Variants in BMPER observed in about 807,000 individuals in gnomAD.
BMPER encodes the protein BMP-binding endothelial regulator protein.
Under a neutral mutation model 87.3 loss-of-function variants are expected in BMPER, and 45 were observed. The ratio of observed to expected loss-of-function variants is 0.52; its 90% CI spans 0.41 to 0.66. The LOEUF is 0.66. BMPER is among the 30% of genes least tolerant of loss of function. BMPER has a pLI of 0.00. For synonymous variants in BMPER, 326 were observed against 316.2 expected (o/e 1.03, Z -0.33); for missense variants, 784 against 867.5 (o/e 0.90, Z 1.21).
intron 13 of BMPER, among the ~76,000 whole-genome samples, chr7:34,110,851 C>A (rs1198811588): frequency 6.6e-6 from 1 of 152,082 alleles, no homozygotes; most frequent in Non-Finnish European, 1.5e-5. Context: ...ACAATTGATA[C>A]TAATTTTAGG....
rs1785647061 is a variant in BMPER at position 33,974,907 on chromosome 7, T to G, written c.576+123T>G. ...TCCTCTCTGGGTAAAAGTCCGTCCC[T>G]CCTGATGTGGAGCCGAGGGAAAAGC... On this transcript the variant is annotated intron_variant, in intron 6 of 14. Coordinates refer to ENST00000649409, the MANE Select transcript of BMPER (RefSeq NM_001365308.1). The G allele has an allele frequency of 1.3e-5, 13 of 974,762 alleles. 1 individual carries two copies. Among genetic ancestry groups the G allele is most frequent in the South Asian group, 9.3e-5 (7 of 75,202 alleles). 60.4% of individuals were successfully genotyped at this position (974,762 alleles called of 1,614,324 possible). A position where few individuals can be genotyped will look rare whatever the true frequency, so the allele number is the denominator to read the frequency against.
At chr7:34,146,807 A>T (rs1241710003) in intron 14 of BMPER, among the ~76,000 whole-genome samples, 1 of 152,184 alleles carries the variant, frequency 6.6e-6, no homozygotes, top group Non-Finnish European at 1.5e-5. Context: ...GAAAAAAAAG[A>T]ATGCATATTT....
intron 6 of BMPER, among the ~76,000 whole-genome samples, chr7:34,014,632 T>C (rs1786972744): frequency 6.6e-6 from 1 of 151,874 alleles, no homozygotes; most frequent in African/African-American, 2.4e-5. Context: ...TCTGGGGAGA[T>C]TCAGGCCCTG....
At chr7:34,143,015 G>A (rs1403781330) in intron 13 of BMPER, among the ~76,000 whole-genome samples, 2 of 152,258 alleles carry the variant, frequency 1.3e-5, no homozygotes, top group African/African-American at 4.8e-5. Context: ...GGATAATCTT[G>A]CTCTAGAGGA....
Position 34,025,611 on chromosome 7 carries a change from G to A in BMPER, c.577-20695G>A, listed in dbSNP as rs564866523. Reference sequence around the variant, plus strand: ...CAGTGGTTGTAGGTCTCGGATGCTAGGCAATTAAGTATTCAATGACTAAAG... The same window carrying A: ...CAGTGGTTGTAGGTCTCGGATGCTAAGCAATTAAGTATTCAATGACTAAAG... On this transcript the variant is annotated intron_variant, in intron 6 of 14. Coordinates refer to ENST00000649409, the MANE Select transcript of BMPER (RefSeq NM_001365308.1). Among the ~76,000 whole-genome samples, 128 of 151,888 alleles carry A rather than the reference G, an allele frequency of 8.4e-4. 1 individual carries two copies. Among genetic ancestry groups the A allele is most frequent in the Admixed American group, 1.2e-3 (18 of 15,246 alleles).
rs779422074 is a variant in BMPER, at chr7:33,974,724, G to A, written c.516G>A (p.Gln172=). The A allele has an allele frequency of 1.9e-6, 3 of 1,613,904 alleles. No individual in the cohort carries two copies. Among genetic ancestry groups the A allele is most frequent in the Non-Finnish European group, 8.5e-7 (1 of 1,179,988 alleles). Residue 172 remains glutamine (Q), a synonymous_variant, in exon 6 of 15, where the codon CAG becomes CAA. Coordinates refer to ENST00000649409, the MANE Select transcript of BMPER (RefSeq NM_001365308.1). ...CAGGCTGTGTGTTTGAGGGTGTGCA[G>A]TATCAAGAAGGGGAGGAATTTCAGC... The part of the protein sequence containing the change: ...TCPGCVFEGV[Q]YQEGEEFQPE...
chr7:33,956,057 A>G (rs905939048), intron 3 of BMPER, among the ~76,000 whole-genome samples: 3 of 152,090 alleles, frequency 2.0e-5, no homozygotes. Context: ...AAAACACCTC[A>G]CCTAAACTAT....
chr7:34,035,532 A>T (rs1787640139), intron 6 of BMPER, among the ~76,000 whole-genome samples: 1 of 152,228 alleles, frequency 6.6e-6, no homozygotes, highest in African/African-American at 2.4e-5. Context: ...TTTTGTCAAT[A>T]CAGTGAGAGA....
intron 13 of BMPER, among the ~76,000 whole-genome samples, chr7:34,121,014 AATTATTTAATAT>A (rs1338090410): frequency 6.6e-6 from 1 of 150,932 alleles, no homozygotes; most frequent in Non-Finnish European, 1.5e-5. Context: ...GGTAATATAT[AATTATTTAATAT>A]ATTATTTAAT....
intron 7 of BMPER, among the ~76,000 whole-genome samples, chr7:34,050,858 A>T (rs1788129487): frequency 6.6e-6 from 1 of 152,136 alleles, no homozygotes; most frequent in African/African-American, 2.4e-5. Flanking sequence ...TTCTACAGAG[A>T]TACTATGCCT....
intron 13 of BMPER, among the ~76,000 whole-genome samples, chr7:34,094,145 AGAG>A (rs2127980257): frequency 6.6e-6 from 1 of 152,316 alleles, no homozygotes; most frequent in South Asian, 2.1e-4. Context: ...ATGAGCTCTC[AGAG>A]GAGGAGTTTA....
At chr7:33,905,786 C>G (rs201646656) in intron 1 of BMPER, 40 bp downstream of exon 1, 164 of 1,277,442 alleles carry the variant, frequency 1.3e-4, no homozygotes, top group African/African-American at 5.2e-4. Flanking sequence ...TCCGGGACGC[C>G]GGTTTGGTAC....
intron 6 of BMPER, among the ~76,000 whole-genome samples, chr7:33,994,067 C>G (rs1401033479): frequency 1.3e-5 from 2 of 151,956 alleles, no homozygotes; most frequent in Non-Finnish European, 2.9e-5. Context: ...TTACTGCTGT[C>G]TTTTTGTTTG....
intron 6 of BMPER, among the ~76,000 whole-genome samples, chr7:34,009,909 T>G (rs1319929133): frequency 6.6e-6 from 1 of 151,956 alleles, no homozygotes; most frequent in East Asian, 1.9e-4. Context: ...AGTGACCGTC[T>G]TATATTTTTG....
At chr7:34,137,745 G>A (rs1468625827) in intron 13 of BMPER, among the ~76,000 whole-genome samples, 2 of 152,240 alleles carry the variant, frequency 1.3e-5, no homozygotes, top group Non-Finnish European at 2.9e-5. Context: ...GTGGATGGAA[G>A]TCCAAGGGTT....
chr7:33,956,285 C>G (rs1325251199), intron 3 of BMPER, among the ~76,000 whole-genome samples: 4 of 151,868 alleles, frequency 2.6e-5, no homozygotes, highest in African/African-American at 9.7e-5. Flanking sequence ...GTGAGGACAA[C>G]AAAAAATCTA....
At chr7:34,110,199 G>A (rs912894149) in intron 13 of BMPER, among the ~76,000 whole-genome samples, 1 of 152,184 alleles carries the variant, frequency 6.6e-6, no homozygotes, top group African/African-American at 2.4e-5. Context: ...TGGTCTTCTC[G>A]TGGGCAAAGG....
At chr7:33,920,388 G>A (rs1056296408) in intron 2 of BMPER, among the ~76,000 whole-genome samples, 34 of 149,190 alleles carry the variant, frequency 2.3e-4, no homozygotes, top group Non-Finnish European at 3.8e-4. Context: ...AGGTCTGGCT[G>A]GCTCCTGTGC....
chr7:34,013,265 AC>A (rs1786929453), intron 6 of BMPER, among the ~76,000 whole-genome samples: 1 of 151,646 alleles, frequency 6.6e-6, no homozygotes, highest in Admixed American at 6.6e-5. Context: ...CTTGGGAATT[AC>A]ATTTGGAACC....
Sources: gnomAD v4.1 joint callset for allele counts (sites outside exome capture counted in the v4.1 genomes callset) on GRCh38, gnomAD v4.1.1 for gene constraint, MANE v1.5 for transcripts, NCBI Gene and HGNC (gene_info 2026-07-23, HGNC 2026-07-21) for gene names.